Variants in ADAMTS18 observed in about 807,000 individuals in gnomAD.
The protein encoded by ADAMTS18 is A disintegrin and metalloproteinase with thrombospondin motifs 18.
Under a neutral mutation model 165.9 loss-of-function variants are expected in ADAMTS18, and 157 were observed. The ratio of observed to expected loss-of-function variants is 0.95; its 90% CI spans 0.83 to 1.08. ADAMTS18 has a LOEUF of 1.08. Ranked by LOEUF, ADAMTS18 falls within the 50% of genes least tolerant of loss-of-function variation. ADAMTS18 has a pLI of 0.00. For synonymous variants in ADAMTS18, 782 were observed against 578.2 expected (o/e 1.35, Z -5.06); for missense variants, 2,040 against 1,534.0 (o/e 1.33, Z -5.51).
At chr16:77,292,960 C>CA in intron 20 of ADAMTS18, 116 bp downstream of exon 20, 1 of 1,293,106 alleles carries the variant, frequency 7.7e-7, no homozygotes, top group Middle Eastern at 2.6e-4. Flanking sequence ...GATCAGACTA[C>CA]AGGCGCCTGC....
chr16:77,408,751 G>T (rs2057423724), intron 3 of ADAMTS18, among the ~76,000 whole-genome samples: 1 of 152,118 alleles, frequency 6.6e-6, no homozygotes, highest in Non-Finnish European at 1.5e-5. Context: ...TGCAATGATG[G>T]TGACATGATA....
At chr16:77,287,371 A>T (rs1209710486) in intron 22 of ADAMTS18, among the ~76,000 whole-genome samples, 1 of 152,182 alleles carries the variant, frequency 6.6e-6, no homozygotes, top group East Asian at 1.9e-4. Context: ...GAATGGGAGA[A>T]AATCCTCAAC....
chr16:77,293,381 C>CT, intron 19 of ADAMTS18, 123 bp from the exon 20 acceptor site: 1 of 863,780 alleles, frequency 1.2e-6, no homozygotes, highest in South Asian at 1.5e-5. Context: ...AACTAAAGCT[C>CT]TTTTTACGAG....
intron 10 of ADAMTS18, among the ~76,000 whole-genome samples, chr16:77,346,363 G>C (rs2056476537): frequency 6.6e-6 from 1 of 152,084 alleles, no homozygotes; most frequent in South Asian, 2.1e-4. Flanking sequence ...CTGGTACAAA[G>C]TAGGCTTCAG....
intron 4 of ADAMTS18, 142 bp from the exon 5 acceptor site, chr16:77,364,523 C>T: frequency 1.1e-6 from 1 of 896,242 alleles, no homozygotes; most frequent in Non-Finnish European, 1.7e-6. Context: ...GCTATCAGTG[C>T]CTGCCCAGGT....
intron 3 of ADAMTS18, among the ~76,000 whole-genome samples, chr16:77,373,057 C>G (rs1032197506): frequency 2.0e-5 from 3 of 152,160 alleles, no homozygotes; most frequent in African/African-American, 7.2e-5. Context: ...TTCTTCCATA[C>G]TAAATGGCAT....
At chr16:77,365,509 T>C (rs1160923205) in intron 4 of ADAMTS18, among the ~76,000 whole-genome samples, 2 of 152,224 alleles carry the variant, frequency 1.3e-5, no homozygotes, top group Non-Finnish European at 1.5e-5. Flanking sequence ...GGAAACAGCA[T>C]AGTTGGGGAT....
intron 12 of ADAMTS18, among the ~76,000 whole-genome samples, chr16:77,329,176 G>A (rs2056146807): frequency 6.6e-6 from 1 of 151,912 alleles, no homozygotes; most frequent in Admixed American, 6.6e-5. Context: ...CACAATCATG[G>A]CTCACTGCAG....
chr16:77,284,460 T>G (rs925130842), intron 22 of ADAMTS18, among the ~76,000 whole-genome samples: 3 of 152,100 alleles, frequency 2.0e-5, no homozygotes, highest in Non-Finnish European at 4.4e-5. Flanking sequence ...TTTATTAATA[T>G]TAACATAGCA....
intron 3 of ADAMTS18, among the ~76,000 whole-genome samples, chr16:77,421,691 A>G (rs554218918): frequency 1.3e-5 from 2 of 152,324 alleles, no homozygotes; most frequent in South Asian, 2.1e-4. Flanking sequence ...TTGGTAAGCC[A>G]TATCTGGCTA....
chr16:77,434,538 G>C (rs1231682377), intron 1 of ADAMTS18, 33 bp from the exon 2 acceptor site: 3 of 1,536,906 alleles, frequency 2.0e-6, no homozygotes, highest in Non-Finnish European at 2.6e-6. Context: ...GCGCGTGAGG[G>C]GCGCGGCGGG....
intron 3 of ADAMTS18, among the ~76,000 whole-genome samples, chr16:77,419,818 G>C (rs1365267140): frequency 6.6e-6 from 1 of 151,752 alleles, no homozygotes; most frequent in African/African-American, 2.4e-5. Context: ...GGCCAACATG[G>C]TGAAACCCCG....
intron 3 of ADAMTS18, among the ~76,000 whole-genome samples, chr16:77,428,013 A>G (rs548742983): frequency 6.6e-6 from 1 of 152,310 alleles, no homozygotes; most frequent in East Asian, 1.9e-4. Flanking sequence ...GTAGATTCCT[A>G]TTAGTACTTT....
intron 8 of ADAMTS18, among the ~76,000 whole-genome samples, 194 bp downstream of exon 8, chr16:77,359,124 T>C (rs956501687): frequency 1.3e-5 from 2 of 152,224 alleles, no homozygotes; most frequent in Non-Finnish European, 2.9e-5. Flanking sequence ...GGCTATTAAG[T>C]GCTGCTGTTT....
chr16:77,422,316 G>C (rs2057613569), intron 3 of ADAMTS18, among the ~76,000 whole-genome samples: 2 of 151,966 alleles, frequency 1.3e-5, no homozygotes, highest in South Asian at 4.2e-4. Context: ...TGCTGAATAA[G>C]TCACCGCAGA....
intron 3 of ADAMTS18, among the ~76,000 whole-genome samples, chr16:77,382,813 C>A (rs1428397571): frequency 6.6e-6 from 1 of 152,192 alleles, no homozygotes; most frequent in Non-Finnish European, 1.5e-5. Flanking sequence ...GAACATGCAG[C>A]CAACCTTCCC....
At chr16:77,378,112 G>C (rs186429603) in intron 3 of ADAMTS18, among the ~76,000 whole-genome samples, 17 of 152,164 alleles carry the variant, frequency 1.1e-4, no homozygotes, top group Admixed American at 5.2e-4. Context: ...AGGATCACTC[G>C]AGCTCAGGAG....
chr16:77,343,602 A>G (rs2056431864), intron 10 of ADAMTS18, among the ~76,000 whole-genome samples: 1 of 152,198 alleles, frequency 6.6e-6, no homozygotes, highest in Non-Finnish European at 1.5e-5. Flanking sequence ...CTGGCCAGGA[A>G]CAAAGGCAGG....
At chr16:77,409,512 G>A (rs1011476181) in intron 3 of ADAMTS18, among the ~76,000 whole-genome samples, 4 of 152,106 alleles carry the variant, frequency 2.6e-5, no homozygotes, top group Admixed American at 1.3e-4. Context: ...CATTCTGCTC[G>A]CAGTAGCTGA....
Sources: allele counts gnomAD v4.1 joint callset (sites outside exome capture counted in the v4.1 genomes callset), GRCh38; gene constraint gnomAD v4.1.1; transcripts MANE v1.5; gene names NCBI Gene and HGNC (gene_info 2026-07-23, HGNC 2026-07-21).